The following PTPRD variants were observed in gnomAD, a reference collection of about 807,000 sequenced individuals.
PTPRD encodes receptor-type tyrosine-protein phosphatase delta.
In PTPRD, 34 loss-of-function variants were observed where a neutral mutation model predicts 214.5. The ratio of observed to expected loss-of-function variants is 0.16; its 90% confidence interval spans 0.12 to 0.21. The LOEUF is 0.21. Among genes scored for constraint, PTPRD ranks in the 10% least tolerant of loss-of-function variants. PTPRD has a pLI of 1.00. For missense variants in PTPRD, 2,545 were observed against 2,398.7 expected (o/e 1.06, Z -1.27); for synonymous variants, 1,128 against 845.7 (o/e 1.33, Z -5.79).
At chr9:8,454,514 C>A in intron 33 of PTPRD, 1 of 1,574,396 alleles carries the variant, frequency 6.4e-7, no homozygotes, top group East Asian at 2.2e-5. Context: ...TCTTCAACAA[C>A]TCTGAAGTCT....
At chr9:9,638,110 T>C (rs1216799775) in intron 7 of PTPRD, among the ~76,000 whole-genome samples, 4 of 152,224 alleles carry the variant, frequency 2.6e-5, no homozygotes, top group Admixed American at 1.3e-4. Context: ...CTTCTATCCA[T>C]ACTAATATCC....
chr9:9,756,708 T>C (rs2098586920), intron 6 of PTPRD, among the ~76,000 whole-genome samples: 1 of 152,150 alleles, frequency 6.6e-6, no homozygotes, highest in Non-Finnish European at 1.5e-5. Context: ...CACTTTAACA[T>C]GGTTATTTTT....
At position 9,284,663 on chromosome 9, in the gene PTPRD, G is replaced by C. The variant is rs540754370; in HGVS notation, c.-202-101300C>G. On this transcript the variant is annotated intron_variant, in intron 9 of 45. Transcript: ENST00000381196. ...TCATTCCTCACGAAGATATTTTCTAGAATTTTAACTTAGAGGAAATACTGA... is the reference window on the plus strand; with the variant it reads ...TCATTCCTCACGAAGATATTTTCTACAATTTTAACTTAGAGGAAATACTGA... Among the ~76,000 whole-genome samples the C allele has an allele frequency of 5.9e-5, 9 of 151,714 alleles. No homozygotes were observed. In the South Asian group the frequency reaches 1.9e-3, roughly 32 times the overall value.
chr9:8,706,789 G>C (rs1259632535), intron 12 of PTPRD, among the ~76,000 whole-genome samples: 1 of 152,140 alleles, frequency 6.6e-6, no homozygotes, highest in Admixed American at 6.5e-5. Context: ...GCATAGCTTG[G>C]CGTCCAGTGT....
chr9:8,712,038 A>G (rs1388900000), intron 12 of PTPRD, among the ~76,000 whole-genome samples: 15 of 152,230 alleles, frequency 9.9e-5, no homozygotes, highest in Admixed American at 9.8e-4. Context: ...ATAACTATGC[A>G]TCTGTCAAGA....
At chr9:10,425,999 A>G (rs907607080) in intron 2 of PTPRD, among the ~76,000 whole-genome samples, 1 of 152,002 alleles carries the variant, frequency 6.6e-6, no homozygotes, top group Admixed American at 6.6e-5. Context: ...AAGGAAGTAT[A>G]TATACATACA....
chr9:9,700,951 G>A (rs2097487000), intron 7 of PTPRD, among the ~76,000 whole-genome samples: 1 of 152,018 alleles, frequency 6.6e-6, no homozygotes, highest in Non-Finnish European at 1.5e-5. Context: ...AAGTAGAAAT[G>A]TGTGCAAAGA....
chr9:9,611,500 T>C (rs2094510808), intron 7 of PTPRD, among the ~76,000 whole-genome samples: 1 of 152,132 alleles, frequency 6.6e-6, no homozygotes, highest in African/African-American at 2.4e-5. Context: ...GAAATACTGT[T>C]ATTCTAAAAA....
chr9:9,998,350 G>A (rs1373151958), intron 4 of PTPRD, among the ~76,000 whole-genome samples: 1 of 150,996 alleles, frequency 6.6e-6, no homozygotes, highest in Non-Finnish European at 1.5e-5. Context: ...TAGCACAGGA[G>A]CCCCAGGTGA....
intron 14 of PTPRD, among the ~76,000 whole-genome samples, chr9:8,626,449 T>C (rs896183559): frequency 6.6e-6 from 1 of 151,868 alleles, no homozygotes; most frequent in Non-Finnish European, 1.5e-5. Context: ...TGACCTACCA[T>C]TGTTTATACC....
At chr9:10,172,253 T>G (rs2099213232) in intron 3 of PTPRD, among the ~76,000 whole-genome samples, 1 of 152,130 alleles carries the variant, frequency 6.6e-6, no homozygotes, top group Non-Finnish European at 1.5e-5. Context: ...GAAGGACAAG[T>G]CAAAATCTCT....
intron 11 of PTPRD, among the ~76,000 whole-genome samples, chr9:8,846,986 C>T (rs983564521): frequency 5.3e-5 from 8 of 152,100 alleles, no homozygotes; most frequent in African/African-American, 1.4e-4. Flanking sequence ...AAGGAGACTG[C>T]ACCCCAAGCA....
chr9:9,441,165 G>T (rs1188650266), intron 8 of PTPRD, among the ~76,000 whole-genome samples: 1 of 152,140 alleles, frequency 6.6e-6, no homozygotes, highest in African/African-American at 2.4e-5. Flanking sequence ...TACCAAAGAT[G>T]CTATCAACTG....
intron 4 of PTPRD, among the ~76,000 whole-genome samples, chr9:9,945,356 T>C (rs918227955): frequency 6.6e-6 from 1 of 151,814 alleles, no homozygotes; most frequent in Admixed American, 6.6e-5. Context: ...CACCAAAGGG[T>C]GATGAAAGGA....
intron 12 of PTPRD, among the ~76,000 whole-genome samples, chr9:8,648,431 A>G (rs1050214864): frequency 7.9e-5 from 12 of 152,218 alleles, no homozygotes; most frequent in Non-Finnish European, 1.6e-4. Context: ...AAGATGGCCT[A>G]AGTGGTTTTG....
At chr9:10,127,743 C>A (rs1189133482) in intron 3 of PTPRD, among the ~76,000 whole-genome samples, 1 of 152,118 alleles carries the variant, frequency 6.6e-6, no homozygotes, top group African/African-American at 2.4e-5. Flanking sequence ...CCCAATCTGG[C>A]CTCATTTTCT....
chr9:8,564,880 G>C (rs1439568436), intron 14 of PTPRD, among the ~76,000 whole-genome samples: 1 of 152,016 alleles, frequency 6.6e-6, no homozygotes, highest in Non-Finnish European at 1.5e-5. Context: ...AATAATCTAA[G>C]CAAAATAAAT....
At position 9,773,400 on chromosome 9, in the gene PTPRD, C is replaced by A. The variant is rs146840962; in HGVS notation, c.-367-6549G>T. ...GTGGTAACTGCTTCACTCTTGAAGT[C>A]TCCTGCTTCTCTCTAATATATACAT... On this transcript the variant is annotated intron_variant, in intron 5 of 45. Coordinates refer to ENST00000381196, the MANE Select transcript of PTPRD (RefSeq NM_002839.4). 2.6e-3 allele frequency among the ~76,000 whole-genome samples: 393 copies of A among 152,266 alleles called. 1 individual carries two copies. The highest frequency in any genetic ancestry group is 8.5e-3 in the African/African-American group (353 of 41,572).
At chr9:9,912,472 C>G (rs73402615) in intron 5 of PTPRD, among the ~76,000 whole-genome samples, 1 of 152,084 alleles carries the variant, frequency 6.6e-6, no homozygotes, top group Non-Finnish European at 1.5e-5. Flanking sequence ...GTTCTTTTTG[C>G]CATATGAATT....
Sources: allele counts gnomAD v4.1 joint callset (sites outside exome capture counted in the v4.1 genomes callset), GRCh38; gene constraint gnomAD v4.1.1; transcripts MANE v1.5; gene names NCBI Gene and HGNC (gene_info 2026-07-23, HGNC 2026-07-21).